Variants in RAPGEF4 observed in about 807,000 individuals in gnomAD.
The protein encoded by RAPGEF4 is Rap guanine nucleotide exchange factor 4, also known as RAP guanine-nucleotide-exchange factor (GEF) 4.
In RAPGEF4, 66 loss-of-function variants were observed where a neutral mutation model predicts 147.9. The observed-to-expected ratio is 0.45, with a 90% CI of 0.37 to 0.55. The LOEUF (loss-of-function observed/expected upper bound fraction) is 0.55. Among genes scored for constraint, RAPGEF4 ranks in the 20% least tolerant of loss-of-function variants. The pLI, the probability that RAPGEF4 is intolerant of heterozygous loss-of-function variation, is 0.00. For synonymous variants in RAPGEF4, 419 were observed against 442.7 expected (o/e 0.95, Z 0.67); for missense variants, 1,071 against 1,257.3 (o/e 0.85, Z 2.24).
intron 25 of RAPGEF4, among the ~76,000 whole-genome samples, chr2:173,027,570 C>T (rs946807079): frequency 1.3e-5 from 2 of 152,174 alleles, no homozygotes; most frequent in Non-Finnish European, 2.9e-5. Flanking sequence ...AACCAAGTTC[C>T]CTTATACTTC....
At chr2:173,000,054 AT>A (rs1693750360) in intron 16 of RAPGEF4, among the ~76,000 whole-genome samples, 2 of 152,196 alleles carry the variant, frequency 1.3e-5, no homozygotes, top group Admixed American at 6.5e-5. Flanking sequence ...TATAAAACAT[AT>A]CAAGATGGTG....
chr2:172,736,956 C>T (rs932946821), intron 1 of RAPGEF4, among the ~76,000 whole-genome samples: 1 of 152,158 alleles, frequency 6.6e-6, no homozygotes, highest in African/African-American at 2.4e-5. Flanking sequence ...TGCATGACAT[C>T]TCTATTTGCA....
chr2:172,989,870 G>C (rs1253198075), intron 14 of RAPGEF4, among the ~76,000 whole-genome samples: 1 of 152,000 alleles, frequency 6.6e-6, no homozygotes, highest in African/African-American at 2.4e-5. Context: ...GTGCTTTGGG[G>C]TATATTCCCG....
At chr2:172,880,866 A>G (rs1348882279) in intron 4 of RAPGEF4, among the ~76,000 whole-genome samples, 9 of 152,202 alleles carry the variant, frequency 5.9e-5, no homozygotes, top group Non-Finnish European at 8.8e-5. Context: ...CACATAGATA[A>G]ATTCATTTGT....
chr2:173,037,501 T>C (rs1324216703), intron 29 of RAPGEF4, among the ~76,000 whole-genome samples: 1 of 152,262 alleles, frequency 6.6e-6, no homozygotes, highest in Admixed American at 6.5e-5. Flanking sequence ...TGGCTTAAGT[T>C]ACTTTGCAGT....
chr2:172,956,871 A>C (rs182006213), intron 6 of RAPGEF4, among the ~76,000 whole-genome samples: 73 of 152,358 alleles, frequency 4.8e-4, no homozygotes, highest in African/African-American at 1.7e-3. Context: ...CTGGAAATTC[A>C]TCAGATCAAG....
At chr2:172,790,989 A>G (rs760163496) in intron 1 of RAPGEF4, among the ~76,000 whole-genome samples, 2 of 152,214 alleles carry the variant, frequency 1.3e-5, no homozygotes, top group Non-Finnish European at 2.9e-5. Flanking sequence ...GCCAGCATCT[A>G]TCTGGTCAGA....
intron 1 of RAPGEF4, among the ~76,000 whole-genome samples, chr2:172,789,681 A>G (rs529884723): frequency 1.3e-5 from 2 of 152,242 alleles, no homozygotes; most frequent in East Asian, 3.9e-4. Context: ...GAATTTGACT[A>G]TTTTAGAAAC....
intron 11 of RAPGEF4, among the ~76,000 whole-genome samples, chr2:172,983,945 A>G (rs1691966802): frequency 6.6e-6 from 1 of 152,152 alleles, no homozygotes; most frequent in South Asian, 2.1e-4. Context: ...CAGAGGGTGG[A>G]AAGAGGGAAA....
intron 4 of RAPGEF4, among the ~76,000 whole-genome samples, chr2:172,901,762 TCAA>T (rs887051275): frequency 2.0e-5 from 3 of 152,344 alleles, no homozygotes; most frequent in East Asian, 1.9e-4. Context: ...ATTCTTTCAC[TCAA>T]CAACTATTCC....
intron 4 of RAPGEF4, among the ~76,000 whole-genome samples, chr2:172,908,344 G>A (rs1699810252): frequency 6.6e-6 from 1 of 151,874 alleles, no homozygotes; most frequent in South Asian, 2.1e-4. Flanking sequence ...GCTCTGCTGG[G>A]TCCCACACTG....
At chr2:172,933,602 G>C (rs1686215352) in intron 6 of RAPGEF4, among the ~76,000 whole-genome samples, 1 of 152,150 alleles carries the variant, frequency 6.6e-6, no homozygotes, top group African/African-American at 2.4e-5. Flanking sequence ...GGACATGCCC[G>C]GGGCATGAAT....
At chr2:172,889,636 T>C (rs941057178) in intron 4 of RAPGEF4, 1 of 152,714 alleles carries the variant, frequency 6.5e-6, no homozygotes, top group Non-Finnish European at 1.5e-5. Context: ...TATATGTATA[T>C]ATACATATAT....
At chr2:172,952,071 C>A (rs987832683) in intron 6 of RAPGEF4, among the ~76,000 whole-genome samples, 6 of 152,142 alleles carry the variant, frequency 3.9e-5, no homozygotes, top group Admixed American at 3.9e-4. Flanking sequence ...TGGTAATTTA[C>A]ACAATCATAG....
intron 29 of RAPGEF4, among the ~76,000 whole-genome samples, chr2:173,040,969 G>A (rs886214884): frequency 6.6e-6 from 1 of 152,134 alleles, no homozygotes; most frequent in Non-Finnish European, 1.5e-5. Context: ...CATAAAGCAT[G>A]CTGATAAGAG....
intron 1 of RAPGEF4, among the ~76,000 whole-genome samples, chr2:172,783,937 A>C (rs1019091286): frequency 1.3e-5 from 2 of 152,178 alleles, no homozygotes; most frequent in African/African-American, 2.4e-5. Context: ...AAAAAAAGAA[A>C]TGAGAAGAAA....
chr2:172,871,019 C>A (rs899155133), intron 4 of RAPGEF4, among the ~76,000 whole-genome samples: 2 of 152,262 alleles, frequency 1.3e-5, no homozygotes, highest in South Asian at 4.1e-4. Flanking sequence ...TGCCTTAAGT[C>A]TCAGATAGTC....
intron 4 of RAPGEF4, among the ~76,000 whole-genome samples, chr2:172,910,283 A>G (rs1378551185): frequency 6.6e-6 from 1 of 152,154 alleles, no homozygotes; most frequent in East Asian, 1.9e-4. Flanking sequence ...CAGTTTCTCC[A>G]TTGCACCCCA....
At chr2:172,864,339 A>C (rs1429606755) in intron 4 of RAPGEF4, among the ~76,000 whole-genome samples, 1 of 152,196 alleles carries the variant, frequency 6.6e-6, no homozygotes, top group South Asian at 2.1e-4. Context: ...AGGAACACAA[A>C]AAGGTGTGCA....
Sources: allele counts gnomAD v4.1 joint callset (sites outside exome capture counted in the v4.1 genomes callset), GRCh38; gene constraint gnomAD v4.1.1; transcripts MANE v1.5; gene names NCBI Gene and HGNC (gene_info 2026-07-23, HGNC 2026-07-21).